The following ERP44 variants were observed in gnomAD, a reference collection of about 807,000 sequenced individuals.
ERP44 encodes the protein endoplasmic reticulum resident protein 44.
A neutral mutation model predicts 53.4 loss-of-function variants in ERP44; 25 were observed. The observed-to-expected ratio is 0.47, with a 90% CI of 0.34 to 0.65. The LOEUF is 0.65. Among genes scored for constraint, ERP44 ranks in the 30% least tolerant of loss-of-function variants. The pLI is 0.01. For synonymous variants in ERP44, 145 were observed against 161.2 expected (o/e 0.90, Z 0.76); for missense variants, 338 against 493.2 (o/e 0.69, Z 2.98).
At chr9:100,082,166 A>G (rs1169280484) in intron 1 of ERP44, among the ~76,000 whole-genome samples, 2 of 152,132 alleles carry the variant, frequency 1.3e-5, no homozygotes, top group Non-Finnish European at 2.9e-5. Flanking sequence ...TTGTAGAAAT[A>G]TACACCACCT....
intron 1 of ERP44, among the ~76,000 whole-genome samples, chr9:100,094,758 T>TCAAGACCAGCC (rs1454756583): frequency 6.6e-6 from 1 of 151,998 alleles, no homozygotes; most frequent in Non-Finnish European, 1.5e-5. Context: ...AGCCAGGAGT[T>TCAAGACCAGCC]CAAGACCAGC....
At chr9:100,039,306 C>G (rs1037118882) in intron 4 of ERP44, among the ~76,000 whole-genome samples, 7 of 152,016 alleles carry the variant, frequency 4.6e-5, no homozygotes, top group African/African-American at 1.7e-4. Flanking sequence ...AGTCTTAAAA[C>G]GTTCAAAAAA....
chr9:100,043,315 T>C (rs1455406495), intron 4 of ERP44, among the ~76,000 whole-genome samples: 1 of 133,478 alleles, frequency 7.5e-6, no homozygotes, highest in Non-Finnish European at 1.6e-5. Flanking sequence ...TAGTATTTGC[T>C]AGCACAACAG....
intron 3 of ERP44, among the ~76,000 whole-genome samples, chr9:100,053,107 C>T (rs1370733492): frequency 6.6e-6 from 1 of 152,000 alleles, no homozygotes; most frequent in Non-Finnish European, 1.5e-5. Context: ...CTCCACCTGG[C>T]TAGTTCTATC....
intron 1 of ERP44, among the ~76,000 whole-genome samples, chr9:100,070,245 G>A (rs1222820230): frequency 6.6e-6 from 1 of 152,134 alleles, no homozygotes; most frequent in African/African-American, 2.4e-5. Context: ...TACATCTTTT[G>A]TTCACTCACT....
chr9:100,081,893 A>T (rs1021822241), intron 1 of ERP44, among the ~76,000 whole-genome samples: 1 of 152,190 alleles, frequency 6.6e-6, no homozygotes, highest in Non-Finnish European at 1.5e-5. Context: ...TGCAAATCAC[A>T]TAACTGCATA....
intron 1 of ERP44, among the ~76,000 whole-genome samples, chr9:100,092,540 T>C (rs1028505790): frequency 4.6e-5 from 7 of 152,248 alleles, no homozygotes; most frequent in African/African-American, 1.7e-4. Context: ...ATAGATGCCA[T>C]GACATCTACT....
At chr9:100,068,764 C>T (rs1350686670) in intron 1 of ERP44, among the ~76,000 whole-genome samples, 1 of 151,748 alleles carries the variant, frequency 6.6e-6, no homozygotes, top group Non-Finnish European at 1.5e-5. Context: ...CCCCTCTGCC[C>T]GGCCAGCCGC....
intron 4 of ERP44, among the ~76,000 whole-genome samples, chr9:100,028,546 AAAG>A (rs1830677765): frequency 6.6e-6 from 1 of 152,262 alleles, no homozygotes; most frequent in Non-Finnish European, 1.5e-5. Flanking sequence ...AGACAGTTAC[AAAG>A]AAGAAAACAA....
At chr9:99,998,499 G>A (rs965769246) in intron 10 of ERP44, 2 of 714,432 alleles carry the variant, frequency 2.8e-6, no homozygotes, top group African/African-American at 1.7e-5. Flanking sequence ...GCCTCCCTCG[G>A]AGCCCCGCTG....
intron 4 of ERP44, among the ~76,000 whole-genome samples, chr9:100,023,570 A>T (rs919566434): frequency 3.8e-4 from 57 of 151,712 alleles, no homozygotes; most frequent in African/African-American, 1.3e-3. Flanking sequence ...CTGGGACAAC[A>T]GGTGTGTGCC....
rs1050321008 is a variant in ERP44 at position 99,985,212 on chromosome 9, A to AT, written c.1017-144dup. 4 of 597,846 alleles carry AT rather than the reference A, an allele frequency of 6.7e-6. No individual in the cohort carries two copies. The African/African-American group carries it at 7.4e-5, about 11-fold the overall frequency. The allele number at this position is 597,846 out of a possible 1,614,324, so 37.0% of individuals were successfully genotyped here. On this transcript the variant is annotated intron_variant, in intron 10 of 11. Coordinates refer to ENST00000262455, the MANE Select transcript of ERP44 (RefSeq NM_015051.3). ...ATTGCAGGCCAGGTATGTGTGAAAC[A>AT]TTTTTACACAGTTGTAAGCATAGTA...
chr9:100,032,317 G>A (rs1296107195), intron 4 of ERP44, among the ~76,000 whole-genome samples: 1 of 152,150 alleles, frequency 6.6e-6, no homozygotes, highest in Non-Finnish European at 1.5e-5. Flanking sequence ...TAGATCTTCT[G>A]TGTATTTATA....
chr9:100,083,559 A>G (rs544048626), intron 1 of ERP44, among the ~76,000 whole-genome samples: 1 of 152,326 alleles, frequency 6.6e-6, no homozygotes, highest in East Asian at 1.9e-4. Flanking sequence ...ATTTGAGAGA[A>G]AAGAATTTCT....
intron 3 of ERP44, among the ~76,000 whole-genome samples, chr9:100,053,266 C>T (rs2118708956): frequency 6.6e-6 from 1 of 152,216 alleles, no homozygotes; most frequent in Non-Finnish European, 1.5e-5. Flanking sequence ...AGTCCAGAAG[C>T]AAATATCTTA....
chr9:100,061,793 T>C (rs1457816450), intron 1 of ERP44, among the ~76,000 whole-genome samples: 1 of 152,130 alleles, frequency 6.6e-6, no homozygotes, highest in Non-Finnish European at 1.5e-5. Flanking sequence ...ATTTGACTTA[T>C]AAAACTAATT....
At chr9:100,073,581 G>A (rs1826326711) in intron 1 of ERP44, among the ~76,000 whole-genome samples, 2 of 152,146 alleles carry the variant, frequency 1.3e-5, no homozygotes, top group African/African-American at 4.8e-5. Flanking sequence ...ATGTGGAGAC[G>A]CCTTCTTTCA....
chr9:99,984,995 G>C lies in ERP44; in HGVS notation c.1091C>G (p.Pro364Arg). Residue 364 changes from proline to arginine, a missense_variant, in exon 11 of 12, where the codon CCT becomes CGT. This residue lies in a region of ERP44 where 113 missense variants were observed against 172.6 expected (regional missense o/e 0.65). Coordinates refer to ENST00000262455, the MANE Select transcript of ERP44 (RefSeq NM_015051.3). The stretch of plus-strand genomic sequence containing the variant: ...TCCTGGGGCTGTATCAGTTGGGTCA[G>C]GTCCATGATGGAATTCTCTGTGCAG... ...GKLHREFHHG[P>R]DPTDTAPGEQ... The C allele has an allele frequency of 1.2e-6, 2 of 1,612,820 alleles. No homozygotes were observed. Among genetic ancestry groups the C allele is most frequent in the Non-Finnish European group, 1.7e-6 (2 of 1,178,936 alleles).
chr9:100,018,166 A>C (rs1157925056), intron 7 of ERP44, 90 bp downstream of exon 7: 10 of 839,336 alleles, frequency 1.2e-5, no homozygotes, highest in Non-Finnish European at 2.1e-5. Context: ...AAGTTCTATT[A>C]GTCTATGAAC....
Sources: allele counts gnomAD v4.1 joint callset (sites outside exome capture counted in the v4.1 genomes callset), GRCh38; gene constraint gnomAD v4.1.1; regional missense constraint gnomAD v4.1.1; transcripts MANE v1.5; gene names NCBI Gene and HGNC (gene_info 2026-07-23, HGNC 2026-07-21).